Variants in TAFA1 observed in about 807,000 individuals in gnomAD.
TAFA1 encodes TAFA chemokine like family member 1.
TAFA1 carries 4 observed loss-of-function variants against 18.5 expected under a neutral mutation model. That is an observed-to-expected ratio of 0.22 (90% CI 0.11 to 0.49). TAFA1 has a LOEUF of 0.49. Among genes scored for constraint, TAFA1 ranks in the 20% least tolerant of loss-of-function variants. The pLI is 0.98. For synonymous variants in TAFA1, 56 were observed against 55.2 expected, an observed-to-expected ratio of 1.01 and a Z score of -0.06; for missense variants, 147 against 169.0, an observed-to-expected ratio of 0.87 and a Z score of 0.72.
intron 2 of TAFA1, among the ~76,000 whole-genome samples, chr3:68,023,074 C>T (rs981170103): frequency 2.0e-5 from 3 of 149,808 alleles, no homozygotes; most frequent in Non-Finnish European, 3.0e-5. Flanking sequence ...AGTATTTGAA[C>T]TGGGGTAACC....
intron 2 of TAFA1, among the ~76,000 whole-genome samples, chr3:68,115,158 G>C (rs1340908215): frequency 6.6e-6 from 1 of 152,174 alleles, no homozygotes; most frequent in Non-Finnish European, 1.5e-5. Context: ...CACTGGCAAA[G>C]TTTTATTTCT....
chr3:68,355,786 G>A (rs2069350602), intron 2 of TAFA1, among the ~76,000 whole-genome samples: 1 of 151,938 alleles, frequency 6.6e-6, no homozygotes. Flanking sequence ...TATGTTCAAA[G>A]CTAGAAAGCA....
chr3:68,392,390 A>C (rs2070279949), intron 2 of TAFA1, among the ~76,000 whole-genome samples: 1 of 152,128 alleles, frequency 6.6e-6, no homozygotes, highest in African/African-American at 2.4e-5. Context: ...AAAAAGACTT[A>C]GACTCCCACA....
intron 3 of TAFA1, among the ~76,000 whole-genome samples, chr3:68,508,771 T>C (rs1434770211): frequency 6.6e-6 from 1 of 152,066 alleles, no homozygotes; most frequent in South Asian, 2.1e-4. Flanking sequence ...TTAAGGTAGA[T>C]TCGTAGTGTT....
At chr3:68,133,609 AT>A (rs200093464) in intron 2 of TAFA1, among the ~76,000 whole-genome samples, 6,048 of 151,988 alleles carry the variant, frequency 0.04, 171 homozygotes, top group East Asian at 0.1. Context: ...ATTCCTAGGT[AT>A]TTTATTCTCT....
chr3:67,997,867 ACAAG>A, the TAFA1 span, among the ~76,000 whole-genome samples: 1 of 152,146 alleles, frequency 6.6e-6, no homozygotes, highest in African/African-American at 2.4e-5. Flanking sequence ...ACCACAATTA[ACAAG>A]CAGTGAATGG....
intron 2 of TAFA1, among the ~76,000 whole-genome samples, chr3:68,142,914 AT>A (rs5849805): frequency 2.7e-5 from 4 of 148,390 alleles, no homozygotes; most frequent in Admixed American, 6.7e-5. Context: ...GGAAATCGTT[AT>A]TTTTTTTTTT....
intron 2 of TAFA1, among the ~76,000 whole-genome samples, chr3:68,154,315 T>C (rs976749531): frequency 1.3e-5 from 2 of 152,148 alleles, no homozygotes; most frequent in African/African-American, 4.8e-5. Flanking sequence ...TGGCCAGATC[T>C]ACCTACAAGA....
intron 2 of TAFA1, among the ~76,000 whole-genome samples, chr3:68,022,821 ATT>A (rs1491174398): frequency 2.5e-5 from 2 of 78,538 alleles, no homozygotes; most frequent in Admixed American, 2.0e-4. Context: ...ATATATATAT[ATT>A]ATATATAATA....
chr3:68,069,027 G>T (rs1230143575), intron 2 of TAFA1, among the ~76,000 whole-genome samples: 4 of 152,168 alleles, frequency 2.6e-5, no homozygotes, highest in Non-Finnish European at 5.9e-5. Context: ...TGCATTTTTG[G>T]ATGGTTTTAA....
chr3:68,036,742 C>G (rs1705058094), intron 2 of TAFA1, among the ~76,000 whole-genome samples: 1 of 152,152 alleles, frequency 6.6e-6, no homozygotes, highest in Non-Finnish European at 1.5e-5. Context: ...TCTATCTGCC[C>G]TGCCCCCAAA....
chr3:68,263,579 C>T (rs2067480778), intron 2 of TAFA1, among the ~76,000 whole-genome samples: 2 of 151,814 alleles, frequency 1.3e-5, no homozygotes, highest in Admixed American at 1.3e-4. Context: ...ATCCTATGAC[C>T]TCGCTTTACA....
chr3:68,211,519 G>A (rs1232521298), intron 2 of TAFA1, among the ~76,000 whole-genome samples: 1 of 152,054 alleles, frequency 6.6e-6, no homozygotes, highest in Non-Finnish European at 1.5e-5. Context: ...GATTGAGATA[G>A]ACAGAATGAC....
chr3:68,128,281 C>G (rs1419523079), intron 2 of TAFA1, among the ~76,000 whole-genome samples: 4 of 152,098 alleles, frequency 2.6e-5, no homozygotes, highest in Admixed American at 6.5e-5. Context: ...TAGAGGCCAT[C>G]CAAATTCAGT....
chr3:68,180,971 C>G (rs2066190502), intron 2 of TAFA1, among the ~76,000 whole-genome samples: 1 of 152,226 alleles, frequency 6.6e-6, no homozygotes, highest in Admixed American at 6.5e-5. Context: ...GTCTTCCCTT[C>G]TCTAGCCTAG....
At chr3:68,033,150 T>C (rs1272146970) in intron 2 of TAFA1, among the ~76,000 whole-genome samples, 1 of 152,146 alleles carries the variant, frequency 6.6e-6, no homozygotes, top group Non-Finnish European at 1.5e-5. Context: ...ATAGATAACA[T>C]CTCTGGTAAT....
At chr3:68,184,088 G>A (rs1397586593) in intron 2 of TAFA1, among the ~76,000 whole-genome samples, 4 of 152,014 alleles carry the variant, frequency 2.6e-5, no homozygotes, top group Non-Finnish European at 5.9e-5. Context: ...CTCCAGGATA[G>A]CGATATGACA....
At chr3:68,096,777 A>T (rs2065091865) in intron 2 of TAFA1, among the ~76,000 whole-genome samples, 1 of 152,126 alleles carries the variant, frequency 6.6e-6, no homozygotes, top group African/African-American at 2.4e-5. Context: ...ATAATACACA[A>T]ATACACATGC....
intron 2 of TAFA1, among the ~76,000 whole-genome samples, chr3:68,338,801 A>G (rs1370865650): frequency 6.6e-6 from 1 of 152,226 alleles, no homozygotes; most frequent in African/African-American, 2.4e-5. Flanking sequence ...TAACAAGTTA[A>G]ACTAAAACTC....
Sources: gnomAD v4.1 joint callset for allele counts (sites outside exome capture counted in the v4.1 genomes callset) on GRCh38, gnomAD v4.1.1 for gene constraint, MANE v1.5 for transcripts, NCBI Gene and HGNC (gene_info 2026-07-23, HGNC 2026-07-21) for gene names.